The following CFAP100 variants were observed in gnomAD, a reference collection of about 807,000 sequenced individuals.
CFAP100 encodes the protein cilia- and flagella-associated protein 100.
In CFAP100, 70 loss-of-function variants were observed where a neutral mutation model predicts 81.5. The observed-to-expected ratio is 0.86, with a 90% CI of 0.71 to 1.05. The LOEUF (loss-of-function observed/expected upper bound fraction) is 1.05. Among genes scored for constraint, CFAP100 ranks in the 50% least tolerant of loss-of-function variants. CFAP100 has a pLI of 0.00. For missense variants in CFAP100, 811 were observed against 776.5 expected (o/e 1.04, Z -0.53); for synonymous variants, 341 against 314.8 (o/e 1.08, Z -0.88).
intron 11 of CFAP100, 112 bp from the exon 12 acceptor site, chr3:126,423,213 G>A (rs2083359265): frequency 1.2e-6 from 1 of 827,604 alleles, no homozygotes; most frequent in Non-Finnish European, 1.9e-6. Context: ...TGGGCAGCTG[G>A]GAGAGGAGGG....
chr3:126,420,161 C>A lies in CFAP100; in HGVS notation c.1014C>A (p.Ser338Arg), dbSNP rs1458429629. The change falls in exon 11 of 17, where the codon AGC becomes AGA. Residue 338 changes from serine to arginine, a missense_variant. Coordinates refer to ENST00000352312, the MANE Select transcript of CFAP100 (RefSeq NM_182628.3). ...TGCAGACGATGCGGCTGGGGCGGAG[C>A]CCGTCTTACCTGAGCAGCCCCCAGC... The part of the protein sequence containing the change: ...RFLQTMRLGR[S>R]PSYLSSPQQG... 1.1e-5 allele frequency: 17 copies of A among 1,612,592 alleles called. No individual in the cohort carries two copies. The highest frequency in any genetic ancestry group is 1.2e-5 in the Non-Finnish European group (14 of 1,179,980).
chr3:126,404,960 C>T (rs908455882), intron 2 of CFAP100, among the ~76,000 whole-genome samples: 17 of 152,236 alleles, frequency 1.1e-4, no homozygotes, highest in Non-Finnish European at 2.2e-4. Context: ...TGAGCCACCA[C>T]GCCCGGTCAC....
chr3:126,419,536 C>T, intron 8 of CFAP100, 101 bp from the exon 9 acceptor site: 1 of 1,086,988 alleles, frequency 9.2e-7, no homozygotes, highest in Non-Finnish European at 1.3e-6. Context: ...AAGGAGCCCA[C>T]ACAGACTTGG....
At position 126,414,321 on chromosome 3, in the gene CFAP100, T is replaced by G. The variant is rs751063327; in HGVS notation, c.225+142T>G. ...GAATAGTCAATAGCTCACCACTTAC[T>G]ATAAAATCAGCTGGAAACCTTACCT... On this transcript the variant is annotated intron_variant, in intron 4 of 16. Transcript: ENST00000352312. The G allele has an allele frequency of 4.8e-5, 36 of 757,524 alleles. No individual in the cohort carries two copies. The Admixed American group carries it at 6.6e-4, about 14-fold the overall frequency. The allele number at this position is 757,524 out of a possible 1,614,324, so 46.9% of individuals were successfully genotyped here.
At chr3:126,426,805 G>A (rs1449068971) in intron 13 of CFAP100, among the ~76,000 whole-genome samples, 1 of 152,142 alleles carries the variant, frequency 6.6e-6, no homozygotes, top group East Asian at 1.9e-4. Flanking sequence ...AGCTGTTATA[G>A]CAAGAAGCAA....
intron 3 of CFAP100, among the ~76,000 whole-genome samples, chr3:126,412,458 CT>C (rs1390683692): frequency 1.3e-5 from 2 of 152,216 alleles, no homozygotes; most frequent in Non-Finnish European, 2.9e-5. Context: ...GCATAATACC[CT>C]TTATCAGATT....
chr3:126,396,604 G>A (rs1319555345), intron 2 of CFAP100: 10 of 154,350 alleles, frequency 6.5e-5, no homozygotes, highest in Admixed American at 6.4e-4. Flanking sequence ...GACAGTAGGG[G>A]TTGGGACTTC....
chr3:126,434,300 A>G lies in CFAP100; in HGVS notation c.1547A>G (p.Glu516Gly), dbSNP rs774145323. Reference sequence around the variant, plus strand: ...ACCATCATTGAGCACCAGCTGGATGAGCTGCTAGAGAACCTGGAGCACGTG... The same window carrying G: ...ACCATCATTGAGCACCAGCTGGATGGGCTGCTAGAGAACCTGGAGCACGTG... ...MLTIIEHQLD[E>G]LLENLEHVPQ... Residue 516 changes from glutamate (E) to glycine (G), a missense_variant, in exon 15 of 17, where the codon GAG (glutamate) becomes GGG (glycine). Physicochemically the swap from Glu to Gly is moderately conservative, Grantham distance 98. Transcript: ENST00000352312. 2.5e-6 allele frequency: 4 copies of G among 1,614,006 alleles called. No individual in the cohort carries two copies. Among genetic ancestry groups the G allele is most frequent in the Non-Finnish European group, 3.4e-6 (4 of 1,180,026 alleles).
At chr3:126,435,745 A>C in intron 16 of CFAP100, 93 bp downstream of exon 16, 1 of 966,612 alleles carries the variant, frequency 1.0e-6, no homozygotes, top group Non-Finnish European at 1.6e-6. Flanking sequence ...TGATGCTACC[A>C]CTCTGAAGGC....
intron 8 of CFAP100, 116 bp from the exon 9 acceptor site, chr3:126,419,521 A>G (rs2083294955): frequency 1.1e-6 from 1 of 927,014 alleles, no homozygotes; most frequent in South Asian, 1.6e-5. Context: ...TTTCTCAAGG[A>G]AAACAAGGAG....
chr3:126,427,387 A>T (rs1932999837), intron 13 of CFAP100, among the ~76,000 whole-genome samples: 1 of 152,260 alleles, frequency 6.6e-6, no homozygotes, highest in Non-Finnish European at 1.5e-5. Flanking sequence ...AATGCATGTT[A>T]TGTGTAACCT....
intron 2 of CFAP100, among the ~76,000 whole-genome samples, chr3:126,400,756 A>G (rs375061249): frequency 6.6e-5 from 10 of 152,200 alleles, no homozygotes; most frequent in African/African-American, 2.4e-4. Flanking sequence ...CGTCTCAAAA[A>G]AAAAAGAAAA....
chr3:126,399,173 TCA>T (rs768077023), intron 2 of CFAP100, among the ~76,000 whole-genome samples: 50 of 152,322 alleles, frequency 3.3e-4, no homozygotes, highest in Middle Eastern at 6.8e-3. Flanking sequence ...TTTCATTTTC[TCA>T]GTGGCACGTT....
In CFAP100 at chr3:126,419,062, C is replaced by CCCAAGGGCGGTGGAAGAG; in HGVS notation, c.651-14_651-13insCCAAGGGCGGTGGAAGAG. On this transcript the variant is annotated splice_polypyrimidine_tract_variant and intron_variant, in intron 7 of 16. Coordinates refer to ENST00000352312, the MANE Select transcript of CFAP100 (RefSeq NM_182628.3). ...CTTGCCCCCATCCCTCCTCCCCCGC[C>CCCAAGGGCGGTGGAAGAG]GCCCAACCCCTAGGGCTGAGAAGGA... 1 of 1,492,278 alleles carries CCCAAGGGCGGTGGAAGAG rather than the reference C, an allele frequency of 6.7e-7. No homozygotes were observed. The highest frequency in any genetic ancestry group is 9.0e-7 in the Non-Finnish European group (1 of 1,107,710). The allele number at this position is 1,492,278 out of a possible 1,614,324, so 92.4% of individuals were successfully genotyped here. A position where few individuals can be genotyped will look rare whatever the true frequency, so the allele number is the denominator to read the frequency against.
chr3:126,429,920 T>C (rs1372332163), intron 13 of CFAP100, among the ~76,000 whole-genome samples: 1 of 152,200 alleles, frequency 6.6e-6, no homozygotes, highest in African/African-American at 2.4e-5. Context: ...TTTTAAAGGA[T>C]AGTTTTCCTG....
intron 4 of CFAP100, chr3:126,414,445 C>A (rs985088414): frequency 8.1e-6 from 5 of 618,092 alleles, no homozygotes; most frequent in African/African-American, 7.4e-5. Flanking sequence ...TGGCAACAGC[C>A]TCAGCCACCT....
intron 13 of CFAP100, among the ~76,000 whole-genome samples, chr3:126,431,996 T>A (rs1283451572): frequency 6.6e-6 from 1 of 152,164 alleles, no homozygotes; most frequent in Non-Finnish European, 1.5e-5. Context: ...AGGTGAATGT[T>A]GAGGCCGGGC....
At chr3:126,414,285 T>C in intron 4 of CFAP100, 106 bp downstream of exon 4, 1 of 827,682 alleles carries the variant, frequency 1.2e-6, no homozygotes, top group Non-Finnish European at 2.2e-6. Context: ...CCTCAGGTCC[T>C]TCTCATTCCA....
At position 126,399,215 on chromosome 3, in the gene CFAP100, C is replaced by T. The variant is rs927698892; in HGVS notation, c.49+3166C>T. Among the ~76,000 whole-genome samples the T allele has an allele frequency of 1.4e-4, 22 of 152,328 alleles. 1 individual carries two copies. The highest frequency in any genetic ancestry group is 6.5e-4 in the Admixed American group (10 of 15,308). ...CCTCTGGCCTTTTGACCCTTCTTCA[C>T]CTGTGTTGCTTACTGTCTCACTCCC... On this transcript the variant is annotated intron_variant, in intron 2 of 16. Coordinates refer to ENST00000352312, the MANE Select transcript of CFAP100 (RefSeq NM_182628.3).
Sources: gnomAD v4.1 joint callset for allele counts (sites outside exome capture counted in the v4.1 genomes callset) on GRCh38, gnomAD v4.1.1 for gene constraint, MANE v1.5 for transcripts, NCBI Gene and HGNC (gene_info 2026-07-23, HGNC 2026-07-21) for gene names.